Variants in UMAD1 observed in about 807,000 individuals in gnomAD.
UMAD1 encodes the protein UBAP1-MVB12-associated (UMA)-domain containing protein 1.
Under a neutral mutation model 6.1 loss-of-function variants are expected in UMAD1, and 8 were observed. The observed-to-expected ratio is 1.30, with a 90% CI of 0.76 to 2.35. The LOEUF (loss-of-function observed/expected upper bound fraction) is 2.35, where lower values mean the gene tolerates loss of function less well. Among genes scored for constraint, UMAD1 ranks in the 30% most tolerant of loss-of-function variants. The probability of loss-of-function intolerance (pLI) is 0.00; values close to 1 mark genes in which losing one functional copy is unlikely to be tolerated. For synonymous variants in UMAD1, 56 were observed against 31.4 expected, an observed-to-expected ratio of 1.78 and a Z score of -2.61; for missense variants, 130 against 78.4, an observed-to-expected ratio of 1.66 and a Z score of -2.49.
chr7:7,705,496 T>C (rs1255326156), intron 2 of UMAD1, among the ~76,000 whole-genome samples: 1 of 152,232 alleles, frequency 6.6e-6, no homozygotes, highest in Non-Finnish European at 1.5e-5. Context: ...ATATTCAGTG[T>C]GTTATTACAA....
At chr7:7,753,896 T>A (rs1661424649) in intron 2 of UMAD1, among the ~76,000 whole-genome samples, 1 of 152,094 alleles carries the variant, frequency 6.6e-6, no homozygotes, top group Admixed American at 6.6e-5. Flanking sequence ...CCACCAACAG[T>A]GTACGGGCCC....
intron 3 of UMAD1, among the ~76,000 whole-genome samples, chr7:7,814,239 C>T (rs1160914902): frequency 6.6e-6 from 1 of 152,180 alleles, no homozygotes; most frequent in Non-Finnish European, 1.5e-5. Context: ...CTGCCTCAGC[C>T]TCCTGAAGTG....
chr7:7,843,328 G>T (rs1200811394), intron 3 of UMAD1, among the ~76,000 whole-genome samples: 1 of 152,174 alleles, frequency 6.6e-6, no homozygotes, highest in East Asian at 1.9e-4. Context: ...TGCTCATTGG[G>T]TGGTTCTAGA....
intron 2 of UMAD1, among the ~76,000 whole-genome samples, chr7:7,713,492 A>G (rs1191512475): frequency 6.7e-6 from 1 of 148,430 alleles, no homozygotes; most frequent in Non-Finnish European, 1.5e-5. Context: ...AATATTGTTT[A>G]TTTATTGCTT....
intron 2 of UMAD1, among the ~76,000 whole-genome samples, chr7:7,734,768 C>T (rs920545987): frequency 6.6e-6 from 1 of 152,112 alleles, no homozygotes; most frequent in African/African-American, 2.4e-5. Flanking sequence ...GCATTAACCA[C>T]CTTATCATAT....
chr7:7,735,039 A>G (rs1781324716), intron 2 of UMAD1, among the ~76,000 whole-genome samples: 1 of 152,142 alleles, frequency 6.6e-6, no homozygotes, highest in South Asian at 2.1e-4. Flanking sequence ...AGTTTCTGTC[A>G]TGAAATACTT....
chr7:7,641,551 G>GACT (rs1195165316), intron 1 of UMAD1: 2 of 152,224 alleles, frequency 1.3e-5, no homozygotes, highest in African/African-American at 4.8e-5. Context: ...CACACTGCGA[G>GACT]ACTCTGGAGG....
intron 3 of UMAD1, among the ~76,000 whole-genome samples, chr7:7,831,795 AT>A (rs543491164): frequency 1.4e-4 from 21 of 152,318 alleles, no homozygotes; most frequent in African/African-American, 5.1e-4. Context: ...AAAGGTATTA[AT>A]TTATAAGCAT....
At chr7:7,795,055 C>T (rs1782646594) in intron 2 of UMAD1, among the ~76,000 whole-genome samples, 1 of 152,160 alleles carries the variant, frequency 6.6e-6, no homozygotes, top group African/African-American at 2.4e-5. Flanking sequence ...TTGTAAGAAC[C>T]CCTACTTTGA....
intron 2 of UMAD1, among the ~76,000 whole-genome samples, chr7:7,732,899 C>G (rs1471078235): frequency 6.6e-6 from 1 of 152,182 alleles, no homozygotes; most frequent in Non-Finnish European, 1.5e-5. Flanking sequence ...ATCTATGAAA[C>G]AATTCCTACT....
intron 2 of UMAD1, among the ~76,000 whole-genome samples, chr7:7,720,692 T>G (rs1237556145): frequency 2.0e-5 from 3 of 152,218 alleles, no homozygotes; most frequent in Non-Finnish European, 4.4e-5. Flanking sequence ...TTTTTTTGTG[T>G]ATTTTTATTT....
intron 2 of UMAD1, among the ~76,000 whole-genome samples, chr7:7,697,548 A>G (rs1780351280): frequency 6.6e-6 from 1 of 152,212 alleles, no homozygotes; most frequent in South Asian, 2.1e-4. Context: ...AAATTTTCCA[A>G]GTATCTCAGG....
At chr7:7,839,901 T>C (rs58688085) in intron 3 of UMAD1, among the ~76,000 whole-genome samples, 8,323 of 152,264 alleles carry the variant, frequency 0.055, 477 homozygotes, top group East Asian at 0.21. Context: ...CCAACTCATA[T>C]CCAGCTGCTC....
intron 2 of UMAD1, among the ~76,000 whole-genome samples, chr7:7,682,628 C>T (rs540346506): frequency 7.9e-5 from 12 of 152,280 alleles, no homozygotes; most frequent in Admixed American, 3.3e-4. Context: ...TCAACATGTG[C>T]TTCCTATTTT....
At chr7:7,850,107 A>T (rs1270724613) in intron 3 of UMAD1, among the ~76,000 whole-genome samples, 1 of 152,180 alleles carries the variant, frequency 6.6e-6, no homozygotes, top group Non-Finnish European at 1.5e-5. Context: ...AATTGTGAAG[A>T]TACAATTTTG....
chr7:7,683,189 G>A (rs1779954995), intron 2 of UMAD1, among the ~76,000 whole-genome samples: 1 of 152,176 alleles, frequency 6.6e-6, no homozygotes, highest in South Asian at 2.1e-4. Context: ...AGTGGATTTA[G>A]TTGACTCAAA....
intron 2 of UMAD1, among the ~76,000 whole-genome samples, chr7:7,799,564 A>G (rs1782757579): frequency 1.3e-5 from 2 of 152,264 alleles, no homozygotes; most frequent in African/African-American, 4.8e-5. Context: ...TTTAAAAGAT[A>G]AATAATATTT....
intron 3 of UMAD1, among the ~76,000 whole-genome samples, chr7:7,821,521 T>C (rs1330318928): frequency 6.6e-6 from 1 of 152,190 alleles, no homozygotes; most frequent in Admixed American, 6.5e-5. Context: ...ATTTAAAAAT[T>C]CTTAATATGT....
rs978288563 is a variant in UMAD1 at position 7,805,977 on chromosome 7, G to A, written c.156+4234G>A. 7.9e-5 allele frequency among the ~76,000 whole-genome samples: 12 copies of A among 152,332 alleles called. No individual in the cohort carries two copies. The East Asian group carries it at 1.9e-3, about 24-fold the overall frequency. On this transcript the variant is annotated intron_variant, in intron 3 of 3. Coordinates refer to ENST00000682710, the MANE Select transcript of UMAD1 (RefSeq NM_001302348.2). ...TGTCTAGAATAGTGTCTGGTACACA[G>A]AAGTTACCCAATAAGTACTTGCTAA...
Sources: gnomAD v4.1 joint callset for allele counts (sites outside exome capture counted in the v4.1 genomes callset) on GRCh38, gnomAD v4.1.1 for gene constraint, MANE v1.5 for transcripts, NCBI Gene and HGNC (gene_info 2026-07-23, HGNC 2026-07-21) for gene names.